ZNF257: variants seen among roughly 807,000 people sequenced by gnomAD.
The protein encoded by ZNF257 is zinc finger protein 257.
ZNF257 carries 12 observed loss-of-function variants against 11.9 expected under a neutral mutation model. The observed-to-expected ratio is 1.01, with a 90% CI of 0.65 to 1.63. The LOEUF (loss-of-function observed/expected upper bound fraction) is 1.63, where lower values mean the gene tolerates loss of function less well. ZNF257 is among the 40% of genes most tolerant of loss of function. The pLI, the probability that ZNF257 is intolerant of heterozygous loss-of-function variation, is 0.00. For synonymous variants in ZNF257, 183 were observed against 222.7 expected (o/e 0.82, Z 1.59); for missense variants, 580 against 665.5 (o/e 0.87, Z 1.41).
intron 1 of ZNF257, among the ~76,000 whole-genome samples, chr19:22,061,845 C>T (rs567284709): frequency 1.6e-3 from 243 of 149,390 alleles, no homozygotes; most frequent in African/African-American, 5.8e-3. Context: ...TTAACATAAA[C>T]GATGTTAAAT....
intron 1 of ZNF257, among the ~76,000 whole-genome samples, chr19:22,066,591 G>A (rs1374973659): frequency 1.3e-5 from 2 of 150,384 alleles, no homozygotes; most frequent in Non-Finnish European, 2.9e-5. Context: ...ATTTTAAAAT[G>A]TAAATAGCCA....
rs201348213 is a variant in ZNF257 at position 22,088,460 on chromosome 19, C to G, written c.710C>G (p.Ala237Gly). Residue 237 changes from alanine to glycine, a missense_variant, in exon 4 of 4, where the codon GCT becomes GGT. Ala to Gly is a moderately conservative substitution (Grantham distance 60). Transcript: ENST00000594947. ...TACAAATGTGAAGAGTGTGGAAAAG[C>G]TTTTAACCGGTCTTCACACCTTACT... ...KPYKCEECGK[A>G]FNRSSHLTQH... 5.6e-6 allele frequency: 9 copies of G among 1,612,058 alleles called. No individual in the cohort carries two copies. Among genetic ancestry groups the G allele is most frequent in the Non-Finnish European group, 5.9e-6 (7 of 1,179,168 alleles).
intron 1 of ZNF257, among the ~76,000 whole-genome samples, chr19:22,072,425 A>G (rs1467437205): frequency 6.6e-6 from 1 of 152,086 alleles, no homozygotes; most frequent in African/African-American, 2.4e-5. Flanking sequence ...TGGATGTTTG[A>G]CAAAATATTC....
At chr19:22,081,254 A>G (rs187092959) in intron 3 of ZNF257, among the ~76,000 whole-genome samples, 15 of 152,084 alleles carry the variant, frequency 9.9e-5, no homozygotes, top group Admixed American at 9.8e-4. Context: ...ATATACTCAT[A>G]TACATATGGA....
chr19:22,064,579 T>G (rs2021891799), intron 1 of ZNF257, among the ~76,000 whole-genome samples: 1 of 152,138 alleles, frequency 6.6e-6, no homozygotes, highest in African/African-American at 2.4e-5. Flanking sequence ...AACAGAAAAC[T>G]GATTGTCCAA....
Position 22,091,066 on chromosome 19 carries a change from T to C in ZNF257, c.*1624T>C, listed in dbSNP as rs1338068419. On this transcript the variant is annotated 3_prime_UTR_variant, in exon 4 of 4. Coordinates refer to ENST00000594947, the MANE Select transcript of ZNF257 (RefSeq NM_033468.4). ...AAATAGTACCATATAATGTTAGTGA[T>C]TGTACTTTTATTTAATAAAATGCAG... The C allele has an allele frequency of 6.6e-6, 1 of 152,176 alleles. No homozygotes were observed. The highest frequency in any genetic ancestry group is 1.5e-5 in the Non-Finnish European group (1 of 68,036). 9.4% of individuals were successfully genotyped at this position (152,176 alleles called of 1,614,324 possible).
rs2145703127 is a variant in ZNF257, at chr19:22,073,002, T to A, written c.130+67T>A. The stretch of plus-strand genomic sequence containing the variant: ...GGCTTTATTTTTTATTTATTTTTTT[T>A]TTTGTAGAATGTTTTTTGGTAATTT... On this transcript the variant is annotated intron_variant, in intron 2 of 3. Transcript: ENST00000594947. The A allele has an allele frequency of 1.0e-5, 14 of 1,387,986 alleles. No homozygotes were observed. The Middle Eastern group carries it at 6.6e-4, about 66-fold the overall frequency. The allele number at this position is 1,387,986 out of a possible 1,614,324, so 86.0% of individuals were successfully genotyped here.
In ZNF257 at chr19:22,087,226, G is replaced by A. The variant is rs138627094; in HGVS notation, c.227-751G>A. Among the ~76,000 whole-genome samples, 498 of 150,760 alleles carry A rather than the reference G, an allele frequency of 3.3e-3. 4 individuals carry two copies. The highest frequency in any genetic ancestry group is 0.012 in the African/African-American group (481 of 40,806). On this transcript the variant is annotated intron_variant, in intron 3 of 3. Transcript: ENST00000594947. Reference sequence around the variant, plus strand: ...TACACATTGTAATCTTTGAGACTGGGACATTTAAAAAAAAAAAGGCTACCT... The same window carrying A: ...TACACATTGTAATCTTTGAGACTGGAACATTTAAAAAAAAAAAGGCTACCT...
At chr19:22,059,074 G>A (rs2021722600) in intron 1 of ZNF257, among the ~76,000 whole-genome samples, 1 of 152,018 alleles carries the variant, frequency 6.6e-6, no homozygotes, top group Non-Finnish European at 1.5e-5. Flanking sequence ...TCACACCTGG[G>A]CCACTATCTG....
rs373144319 is a variant in ZNF257 at position 22,088,455 on chromosome 19, A to C, written c.705A>C (p.Gly235=). The C allele has an allele frequency of 3.0e-5, 48 of 1,607,838 alleles. 1 individual carries two copies. The African/African-American group carries it at 3.6e-4, about 12-fold the overall frequency. ...GEKPYKCEEC[G]KAFNRSSHLT... is the part of the protein sequence containing the mutation. ...AACCCTACAAATGTGAAGAGTGTGG[A>C]AAAGCTTTTAACCGGTCTTCACACC... Residue 235 remains glycine, a synonymous_variant, in exon 4 of 4, where the codon GGA becomes GGC. Transcript: ENST00000594947.
intron 1 of ZNF257, chr19:22,064,403 T>C (rs2021887601): frequency 6.6e-6 from 1 of 152,254 alleles, no homozygotes; most frequent in African/African-American, 2.4e-5. Context: ...ATTGCTTTGT[T>C]TTTGCTTTGG....
In ZNF257 at chr19:22,055,032, G is replaced by A. The variant is rs562717323; in HGVS notation, c.3+2397G>A. ...GAGTCTCCTGTTGTATTTCTTTTTC[G>A]AAGATATTAAGATTGTCTTCACCCA... is the stretch of plus-strand genomic sequence containing the variant. On this transcript the variant is annotated intron_variant, in intron 1 of 3. Coordinates refer to ENST00000594947, the MANE Select transcript of ZNF257 (RefSeq NM_033468.4). Among the ~76,000 whole-genome samples, 25 of 150,196 alleles carry A rather than the reference G, an allele frequency of 1.7e-4. 1 individual carries two copies. In the South Asian group the frequency reaches 5.0e-3, roughly 30 times the overall value.
intron 3 of ZNF257, among the ~76,000 whole-genome samples, chr19:22,078,494 GC>G (rs1455353398): frequency 1.3e-5 from 2 of 151,776 alleles, no homozygotes; most frequent in African/African-American, 4.8e-5. Context: ...CATGTGATTT[GC>G]AAATATTTTC....
intron 3 of ZNF257, among the ~76,000 whole-genome samples, chr19:22,082,086 T>G (rs2022372191): frequency 6.6e-6 from 1 of 151,852 alleles, no homozygotes; most frequent in South Asian, 2.1e-4. Context: ...TTTAATCTCA[T>G]AACTTCAACT....
At chr19:22,075,940 G>T (rs1365726385) in intron 3 of ZNF257, 1 of 151,854 alleles carries the variant, frequency 6.6e-6, no homozygotes, top group Non-Finnish European at 1.5e-5. Context: ...AGACAAATAG[G>T]GCACCTTTTA....
chr19:22,068,744 G>C (rs1390705199), intron 1 of ZNF257, among the ~76,000 whole-genome samples: 1 of 152,138 alleles, frequency 6.6e-6, no homozygotes, highest in African/African-American at 2.4e-5. Flanking sequence ...TGTGATACTG[G>C]AGTAGAACAT....
chr19:22,087,562 T>A, intron 3 of ZNF257: 3 of 1,230,572 alleles, frequency 2.4e-6, no homozygotes, highest in Non-Finnish European at 3.0e-6. Context: ...GAAACCAGTG[T>A]CTTGAAAGAC....
At chr19:22,082,040 G>T (rs771068707) in intron 3 of ZNF257, among the ~76,000 whole-genome samples, 15 of 151,756 alleles carry the variant, frequency 9.9e-5, no homozygotes, top group Admixed American at 2.6e-4. Context: ...GAAAAATGAA[G>T]ATTACATAAA....
chr19:22,054,914 C>CT (rs58547883), intron 1 of ZNF257, among the ~76,000 whole-genome samples: 1,270 of 110,602 alleles, frequency 0.011, 8 homozygotes, highest in Middle Eastern at 0.017. Context: ...GCTACTGGGT[C>CT]TTTTTTTTTT....
Sources: allele counts gnomAD v4.1 joint callset (sites outside exome capture counted in the v4.1 genomes callset), GRCh38; gene constraint gnomAD v4.1.1; transcripts MANE v1.5; gene names NCBI Gene and HGNC (gene_info 2026-07-23, HGNC 2026-07-21).